Variants in HTR7 observed in about 807,000 individuals in gnomAD.
HTR7 encodes the protein 5-HT-7.
In HTR7, 16 loss-of-function variants were observed where a neutral mutation model predicts 34.0. The observed-to-expected ratio is 0.47, with a 90% confidence interval of 0.32 to 0.71. The LOEUF (loss-of-function observed/expected upper bound fraction) is 0.71, where lower values mean the gene tolerates loss of function less well. Ranked by LOEUF, HTR7 falls within the 30% of genes least tolerant of loss-of-function variation. HTR7 has a pLI of 0.04. For missense variants in HTR7, 504 were observed against 625.5 expected, an observed-to-expected ratio of 0.81 and a Z score of 2.07; for synonymous variants, 265 against 260.2, an observed-to-expected ratio of 1.02 and a Z score of -0.18.
At chr10:90,771,893 C>T (rs1337962412) in intron 1 of HTR7, among the ~76,000 whole-genome samples, 1 of 151,738 alleles carries the variant, frequency 6.6e-6, no homozygotes, top group Non-Finnish European at 1.5e-5. Context: ...CCCAAAAATC[C>T]TATAACAAAA....
intron 1 of HTR7, among the ~76,000 whole-genome samples, chr10:90,755,700 T>C (rs1298261503): frequency 6.6e-6 from 1 of 152,188 alleles, no homozygotes; most frequent in Non-Finnish European, 1.5e-5. Context: ...AAATTAATGA[T>C]GATGATGATA....
intron 2 of HTR7, among the ~76,000 whole-genome samples, chr10:90,748,314 G>A: frequency 6.6e-6 from 1 of 152,040 alleles, no homozygotes; most frequent in Admixed American, 6.6e-5. Context: ...TAGCTTTTAA[G>A]ACCTTGCCTC....
chr10:90,753,174 A>G (rs1439077387), intron 1 of HTR7, among the ~76,000 whole-genome samples: 1 of 152,174 alleles, frequency 6.6e-6, no homozygotes, highest in Non-Finnish European at 1.5e-5. Context: ...AGAGTTTGTA[A>G]AAGAAAAAAC....
intron 2 of HTR7, among the ~76,000 whole-genome samples, chr10:90,745,333 T>C (rs372268683): frequency 4.6e-5 from 7 of 152,180 alleles, no homozygotes; most frequent in Non-Finnish European, 8.8e-5. Flanking sequence ...GTAGAAGGTA[T>C]GAACAAGCTC....
At chr10:90,794,863 G>A (rs78792482) in intron 1 of HTR7, among the ~76,000 whole-genome samples, 2,795 of 152,104 alleles carry the variant, frequency 0.018, 83 homozygotes, top group African/African-American at 0.056. Context: ...AATTTACACC[G>A]GCATCACCAC....
chr10:90,762,618 TGAA>T (rs898168262), intron 1 of HTR7, among the ~76,000 whole-genome samples: 8 of 152,214 alleles, frequency 5.3e-5, no homozygotes, highest in African/African-American at 1.4e-4. Flanking sequence ...TCCTTTTATG[TGAA>T]GAAGGTTTTT....
chr10:90,776,685 T>C (rs957334921), intron 1 of HTR7, among the ~76,000 whole-genome samples: 1 of 152,240 alleles, frequency 6.6e-6, no homozygotes, highest in African/African-American at 2.4e-5. Flanking sequence ...AGAGTAATAC[T>C]TAGGGAGTAA....
intron 1 of HTR7, among the ~76,000 whole-genome samples, chr10:90,815,605 T>C (rs565257380): frequency 2.3e-4 from 35 of 152,090 alleles, no homozygotes; most frequent in African/African-American, 8.0e-4. Context: ...TTGGGAAGAA[T>C]AGCTAATGAA....
At chr10:90,759,966 T>C (rs1844908311) in intron 1 of HTR7, among the ~76,000 whole-genome samples, 1 of 152,214 alleles carries the variant, frequency 6.6e-6, no homozygotes, top group South Asian at 2.1e-4. Context: ...TATTTTCCCA[T>C]AATCTTTACA....
At chr10:90,797,768 C>T (rs6583732) in intron 1 of HTR7, among the ~76,000 whole-genome samples, 1 of 152,174 alleles carries the variant, frequency 6.6e-6, no homozygotes, top group Non-Finnish European at 1.5e-5. Context: ...CACATGCTGT[C>T]TTTGTTCATT....
intron 1 of HTR7, among the ~76,000 whole-genome samples, chr10:90,771,883 C>T (rs1845119019): frequency 6.6e-6 from 1 of 151,650 alleles, no homozygotes; most frequent in Non-Finnish European, 1.5e-5. Flanking sequence ...GAAATGACAA[C>T]CCAAAAATCC....
intron 1 of HTR7, among the ~76,000 whole-genome samples, chr10:90,838,206 T>C (rs879927827): frequency 3.3e-5 from 5 of 152,224 alleles, no homozygotes; most frequent in Admixed American, 6.5e-5. Flanking sequence ...AAAATAGAAC[T>C]CTTGATTTTT....
chr10:90,749,462 A>C lies in HTR7; in HGVS notation c.672T>G (p.Asn224Lys), dbSNP rs753979574. 1 of 1,614,176 alleles carries C rather than the reference A, an allele frequency of 6.2e-7. No individual in the cohort carries two copies. The highest frequency in any genetic ancestry group is 8.5e-7 in the Non-Finnish European group (1 of 1,180,022). Residue 224 changes from asparagine to lysine, a missense_variant, in exon 2 of 4, where the codon AAT becomes AAG. Coordinates refer to ENST00000336152, the MANE Select transcript of HTR7 (RefSeq NM_019859.4). The surrounding 1 kb of genome is among the most constrained non-coding windows in gnomAD (Gnocchi z 4.2). The stretch of plus-strand genomic sequence containing the variant: ...TCAAGCACACCTTATCATCATTTAC[A>C]TTCTGAGCCCATCCAAAGAGTGGAG... Reference protein sequence around the residue: ...TLPPLFGWAQNVNDDKVCLIS... With the variant: ...TLPPLFGWAQKVNDDKVCLIS...
chr10:90,842,458 C>T (rs1212401204), intron 1 of HTR7, among the ~76,000 whole-genome samples: 1 of 152,196 alleles, frequency 6.6e-6, no homozygotes, highest in African/African-American at 2.4e-5. Context: ...CCTGATACCA[C>T]TCCTTTCTTG....
At chr10:90,778,084 T>G (rs1476961251) in intron 1 of HTR7, among the ~76,000 whole-genome samples, 1 of 152,244 alleles carries the variant, frequency 6.6e-6, no homozygotes, top group Non-Finnish European at 1.5e-5. Flanking sequence ...GATGTTGACA[T>G]TACTCTATCC....
intron 1 of HTR7, among the ~76,000 whole-genome samples, chr10:90,759,446 G>A (rs1186525925): frequency 2.0e-5 from 3 of 151,124 alleles, no homozygotes; most frequent in African/African-American, 7.3e-5. Flanking sequence ...ATGAGGTCAG[G>A]AGATCGAGAC....
chr10:90,771,083 G>C (rs757266012), intron 1 of HTR7, among the ~76,000 whole-genome samples: 1 of 152,146 alleles, frequency 6.6e-6, no homozygotes, highest in Non-Finnish European at 1.5e-5. Context: ...AACACTCATC[G>C]GGATGACCAG....
At chr10:90,831,865 A>G (rs112000445) in intron 1 of HTR7, among the ~76,000 whole-genome samples, 255 of 152,282 alleles carry the variant, frequency 1.7e-3, no homozygotes, top group African/African-American at 5.7e-3. Context: ...AGTTAGATAC[A>G]GAGTGTCGAT....
At chr10:90,809,685 C>CCA (rs1845770802) in intron 1 of HTR7, among the ~76,000 whole-genome samples, 1 of 152,116 alleles carries the variant, frequency 6.6e-6, no homozygotes, top group Non-Finnish European at 1.5e-5. Context: ...ACCTCCTCTG[C>CCA]CAGGAGCTTG....
Sources: gnomAD v4.1 joint callset for allele counts (sites outside exome capture counted in the v4.1 genomes callset) on GRCh38, gnomAD v4.1.1 for gene constraint, Gnocchi (gnomAD v3.1) non-coding constraint, MANE v1.5 for transcripts, NCBI Gene and HGNC (gene_info 2026-07-23, HGNC 2026-07-21) for gene names.